ARHGEF11: variants seen among roughly 807,000 people sequenced by gnomAD.
ARHGEF11 encodes Rho guanine exchange factor (GEF) 11.
In ARHGEF11, 55 loss-of-function variants were observed where a neutral mutation model predicts 193.7. The ratio of observed to expected loss-of-function variants is 0.28; its 90% CI spans 0.23 to 0.36. ARHGEF11 has a LOEUF of 0.36. Among genes scored for constraint, ARHGEF11 ranks in the 10% least tolerant of loss-of-function variants. The pLI is 1.00. For synonymous variants in ARHGEF11, 693 were observed against 768.0 expected, an observed-to-expected ratio of 0.90 and a Z score of 1.62; for missense variants, 1,723 against 2,005.6, an observed-to-expected ratio of 0.86 and a Z score of 2.69.
rs1315249619 is a variant in ARHGEF11 at position 156,947,792 on chromosome 1, A to G, written c.2318T>C (p.Ile773Thr). ...DVVAGLTQRE[I>T]DRQEVINELF... ...ACCATTGATGACCTCTTGCCGGTCA[A>G]TCTCCCGCTGGGTTAGCCCAGCCAC... Residue 773 changes from isoleucine (I) to threonine (T), a missense_variant, in exon 25 of 41, where the codon ATT (isoleucine) becomes ACT (threonine). Around this residue, in one of 5 missense-constraint regions of ARHGEF11, gnomAD observed 491 missense variants for 654.5 expected, o/e 0.75. Coordinates refer to ENST00000368194, the MANE Select transcript of ARHGEF11 (RefSeq NM_198236.3). The G allele has an allele frequency of 1.9e-6, 3 of 1,613,586 alleles. No individual in the cohort carries two copies. In the South Asian group the frequency reaches 3.3e-5, roughly 18 times the overall value.
chr1:156,973,033 T>C (rs1209898184), intron 7 of ARHGEF11, among the ~76,000 whole-genome samples: 2 of 152,172 alleles, frequency 1.3e-5, no homozygotes, highest in Admixed American at 6.5e-5. Context: ...CCCCTTCTTT[T>C]CACAGCCACT....
intron 1 of ARHGEF11, among the ~76,000 whole-genome samples, chr1:156,986,558 AAGAC>A (rs1664946455): frequency 6.6e-6 from 1 of 152,202 alleles, no homozygotes; most frequent in Non-Finnish European, 1.5e-5. Context: ...ATGCAAGAAA[AAGAC>A]AGGGAAAAAA....
intron 11 of ARHGEF11, chr1:156,967,785 G>A (rs992412897): frequency 1.5e-6 from 1 of 668,908 alleles, no homozygotes; most frequent in South Asian, 1.9e-5. Flanking sequence ...TAGAAATGGA[G>A]CCAGCCTTAC....
intron 17 of ARHGEF11, 126 bp downstream of exon 17, chr1:156,958,616 C>T: frequency 1.4e-6 from 2 of 1,392,006 alleles, no homozygotes; most frequent in Non-Finnish European, 2.0e-6. Context: ...CAGGACTCCC[C>T]ATCTTTCAGG....
chr1:156,993,736 G>A (rs1366343287), intron 1 of ARHGEF11, among the ~76,000 whole-genome samples: 2 of 152,116 alleles, frequency 1.3e-5, no homozygotes, highest in Non-Finnish European at 2.9e-5. Flanking sequence ...TTTCCCTCTG[G>A]TCTGAGGCTG....
Position 156,946,697 on chromosome 1 carries a change from G to C in ARHGEF11, c.2659C>G (p.Gln887Glu), listed in dbSNP as rs773288099. ...AGCTGGAATCGACTCTCCTTGCGTT[G>C]CTTGGTCTTGATTAGCTCTAGGGCT... Reference protein sequence around the residue: ...SIALELIKTKQRKESRFQLFM... With the variant: ...SIALELIKTKERKESRFQLFM... The change falls in exon 28 of 41, where the codon CAA becomes GAA. Residue 887 changes from glutamine to glutamate, a missense_variant. Gln to Glu is a conservative substitution (Grantham distance 29). Transcript: ENST00000368194. The C allele has an allele frequency of 6.2e-7, 1 of 1,614,224 alleles. No homozygotes were observed. Among genetic ancestry groups the C allele is most frequent in the South Asian group, 1.1e-5 (1 of 91,084 alleles).
chr1:156,978,377 C>G lies in ARHGEF11; in HGVS notation c.337G>C (p.Ala113Pro). The G allele has an allele frequency of 6.3e-7, 1 of 1,595,844 alleles. No homozygotes were observed. Among genetic ancestry groups the G allele is most frequent in the Non-Finnish European group, 8.5e-7 (1 of 1,171,158 alleles). Reference sequence around the variant, plus strand: ...CCCAGGAGGGTGAGTGCGACATAGGCGCCAGCTAGAGGGAAACAGAGAGAG... The same window carrying G: ...CCCAGGAGGGTGAGTGCGACATAGGGGCCAGCTAGAGGGAAACAGAGAGAG... ...LEVVKLIKSGAYVALTLLGSS... is the reference protein window; with the variant it reads ...LEVVKLIKSGPYVALTLLGSS... The change falls in exon 6 of 41, where the codon GCC becomes CCC. Residue 113 changes from alanine to proline, a missense_variant. Physicochemically the swap from Ala to Pro is conservative, Grantham distance 27. Transcript: ENST00000368194.
chr1:156,937,318 C>G lies in ARHGEF11; in HGVS notation c.4371G>C (p.Leu1457=). The change falls in exon 39 of 41, where the codon CTG becomes CTC. Residue 1457 remains leucine, a synonymous_variant. Coordinates refer to ENST00000368194, the MANE Select transcript of ARHGEF11 (RefSeq NM_198236.3). The part of the protein sequence containing the change: ...PRRPSRSPPS[L]ALRDVGMIFH... The stretch of plus-strand genomic sequence containing the variant: ...AGATCATGCCCACGTCCCTGAGGGC[C>G]AGGCTTGGAGGAGAGCGGCTGGGGC... 5 of 1,613,976 alleles carry G rather than the reference C, an allele frequency of 3.1e-6. No individual in the cohort carries two copies. Among genetic ancestry groups the G allele is most frequent in the Non-Finnish European group, 4.2e-6 (5 of 1,179,938 alleles).
intron 21 of ARHGEF11, among the ~76,000 whole-genome samples, chr1:156,954,380 CAAAAAAAAAAAAAAAAAAAAAAAAAA>C (rs559848711): frequency 0.23 from 17,720 of 75,546 alleles, 1,637 homozygotes; most frequent in Non-Finnish European, 0.28. Context: ...ACTGTGTCTC[CAAAAAAAAAAAAAAAAAAAAAAAAAA>C]AAAAAAAAAA....
intron 1 of ARHGEF11, among the ~76,000 whole-genome samples, chr1:157,005,590 T>C (rs1358967316): frequency 6.6e-6 from 1 of 152,178 alleles, no homozygotes; most frequent in African/African-American, 2.4e-5. Flanking sequence ...CCCAATTCTA[T>C]CAAAACCTTA....
chr1:156,952,801 T>C (rs924136425), intron 21 of ARHGEF11, among the ~76,000 whole-genome samples: 19 of 152,276 alleles, frequency 1.2e-4, no homozygotes, highest in Admixed American at 5.2e-4. Flanking sequence ...GTAGGGCTAT[T>C]ACCATCACTC....
At position 157,044,991 on chromosome 1, in the gene ARHGEF11, C is replaced by G. The variant is rs911730785; in HGVS notation, c.-661G>C. The G allele has an allele frequency of 6.6e-6, 1 of 152,226 alleles. No homozygotes were observed. Among genetic ancestry groups the G allele is most frequent in the Non-Finnish European group, 1.5e-5 (1 of 68,400 alleles). 9.4% of individuals were successfully genotyped at this position (152,226 alleles called of 1,614,324 possible). A position where few individuals can be genotyped will look rare whatever the true frequency, so the allele number is the denominator to read the frequency against. ...GCACTCCTTCCAAGTCCAGTGCAAC[C>G]CTGGGAACCAAAATTTATGGACTTC... is the stretch of plus-strand genomic sequence containing the variant. On this transcript the variant is annotated 5_prime_UTR_variant, in exon 1 of 41. Coordinates refer to ENST00000368194, the MANE Select transcript of ARHGEF11 (RefSeq NM_198236.3).
chr1:157,009,359 T>C (rs1294619750), intron 1 of ARHGEF11, among the ~76,000 whole-genome samples: 1 of 152,224 alleles, frequency 6.6e-6, no homozygotes, highest in Non-Finnish European at 1.5e-5. Context: ...ATTTGAGGCA[T>C]ATATTAAGGT....
chr1:156,971,849 GA>G (rs1252796352), intron 7 of ARHGEF11, 33 bp from the exon 8 acceptor site: 15 of 1,598,994 alleles, frequency 9.4e-6, no homozygotes, highest in East Asian at 2.2e-5. Flanking sequence ...AGGGGGAGGG[GA>G]AAAGGCAGAG....
chr1:156,946,544 G>T, intron 28 of ARHGEF11, 118 bp downstream of exon 28: 2 of 1,410,510 alleles, frequency 1.4e-6, no homozygotes, highest in Non-Finnish European at 2.0e-6. Flanking sequence ...AGCGTGTGTC[G>T]AAGGGTAGAG....
At chr1:156,937,627 C>G in intron 38 of ARHGEF11, 131 bp from the exon 39 acceptor site, 1 of 980,426 alleles carries the variant, frequency 1.0e-6, no homozygotes, top group Non-Finnish European at 1.5e-6. Flanking sequence ...ACTCAGAGAA[C>G]GTGGGCCTTG....
At chr1:156,939,519 TC>T in intron 37 of ARHGEF11, 28 bp downstream of exon 37, 1 of 1,605,348 alleles carries the variant, frequency 6.2e-7, no homozygotes, top group Non-Finnish European at 8.5e-7. Flanking sequence ...GGTGCTTGTC[TC>T]CCCACTGGAC....
chr1:156,936,497 A>AATATATATATATAT (rs1553192804), intron 40 of ARHGEF11, among the ~76,000 whole-genome samples: 43 of 33,904 alleles, frequency 1.3e-3, no homozygotes, highest in South Asian at 1.6e-3. Flanking sequence ...AAAAAAAAAA[A>AATATATATATATAT]ATATATATAT....
At chr1:156,949,931 A>G (rs1658825581) in intron 22 of ARHGEF11, among the ~76,000 whole-genome samples, 2 of 152,176 alleles carry the variant, frequency 1.3e-5, no homozygotes, top group Non-Finnish European at 1.5e-5. Context: ...GAGATTGCCA[A>G]TGAGTTGATA....
Sources: allele counts gnomAD v4.1 joint callset (sites outside exome capture counted in the v4.1 genomes callset), GRCh38; gene constraint gnomAD v4.1.1; regional missense constraint gnomAD v4.1.1; transcripts MANE v1.5; gene names NCBI Gene and HGNC (gene_info 2026-07-23, HGNC 2026-07-21).